Variants in FAM13A observed in about 807,000 individuals in gnomAD.
FAM13A encodes the protein family with sequence similarity 13 member A, also known as protein FAM13A.
A neutral mutation model predicts 129.6 loss-of-function variants in FAM13A; 76 were observed. That is an observed-to-expected ratio of 0.59 (90% CI 0.49 to 0.71). The LOEUF (loss-of-function observed/expected upper bound fraction) is 0.71, where lower values mean the gene tolerates loss of function less well. FAM13A is among the 30% of genes least tolerant of loss of function. The pLI, the probability that FAM13A is intolerant of heterozygous loss-of-function variation, is 0.00. For missense variants in FAM13A, 1,108 were observed against 1,249.3 expected (o/e 0.89, Z 1.70); for synonymous variants, 443 against 449.9 (o/e 0.98, Z 0.20).
intron 5 of FAM13A, among the ~76,000 whole-genome samples, chr4:88,933,209 A>G (rs1386586140): frequency 6.6e-6 from 1 of 152,228 alleles, no homozygotes; most frequent in Non-Finnish European, 1.5e-5. Flanking sequence ...ATTCATCTAG[A>G]TATTTCTAGA....
intron 7 of FAM13A, among the ~76,000 whole-genome samples, chr4:88,847,470 C>T (rs1186879771): frequency 6.6e-6 from 1 of 152,154 alleles, no homozygotes; most frequent in Non-Finnish European, 1.5e-5. Context: ...ATAATATATG[C>T]CAACCAGAAG....
chr4:88,727,003 A>G lies in FAM13A; in HGVS notation c.*1530T>C, dbSNP rs889171657. 7 of 152,360 alleles carry G rather than the reference A, an allele frequency of 4.6e-5. No homozygotes were observed. The highest frequency in any genetic ancestry group is 1.7e-4 in the African/African-American group (7 of 41,468). 9.4% of individuals were successfully genotyped at this position (152,360 alleles called of 1,614,324 possible). A position where few individuals can be genotyped will look rare whatever the true frequency, so the allele number is the denominator to read the frequency against. ...ATGTTGCTGTAAATCCCATTGGACCAGCCAGTTTCTCACGACCCTTTAAAA... is the reference window on the plus strand; with the variant it reads ...ATGTTGCTGTAAATCCCATTGGACCGGCCAGTTTCTCACGACCCTTTAAAA... On this transcript the variant is annotated 3_prime_UTR_variant, in exon 24 of 24. Transcript: ENST00000264344.
At chr4:88,839,752 C>G (rs1424038444) in intron 7 of FAM13A, among the ~76,000 whole-genome samples, 1 of 152,152 alleles carries the variant, frequency 6.6e-6, no homozygotes, top group East Asian at 1.9e-4. Flanking sequence ...AGAGCCCATA[C>G]TCAGAAGGGC....
At chr4:89,013,548 C>T (rs1247241528) in intron 3 of FAM13A, among the ~76,000 whole-genome samples, 1 of 152,034 alleles carries the variant, frequency 6.6e-6, no homozygotes, top group Admixed American at 6.6e-5. Flanking sequence ...ACATATATGA[C>T]TATGGTCCTA....
At chr4:89,045,850 C>T (rs1324411251) in intron 1 of FAM13A, among the ~76,000 whole-genome samples, 1 of 151,666 alleles carries the variant, frequency 6.6e-6, no homozygotes, top group Non-Finnish European at 1.5e-5. Flanking sequence ...ATGGAGAAAC[C>T]CCGTCTCTAC....
intron 19 of FAM13A, among the ~76,000 whole-genome samples, chr4:88,739,786 C>CAAAAAAAAA (rs34007551): frequency 4.4e-5 from 3 of 67,912 alleles, no homozygotes; most frequent in African/African-American, 1.7e-4. Flanking sequence ...GACTCTGTCT[C>CAAAAAAAAA]AAAAAAAAAA....
rs76318928 is a variant in FAM13A, at chr4:88,836,962, GAA to G, written c.1007+14056_1007+14057del. 2.7e-5 allele frequency among the ~76,000 whole-genome samples: 4 copies of G among 148,272 alleles called. No homozygotes were observed. In the East Asian group the frequency reaches 5.9e-4, roughly 22 times the overall value. ...GCGACAGAGTGAAACTCCATCTCAAGAAAAAAAAAAATTATGTTAAAATGATG... is the reference window on the plus strand; with the variant it reads ...GCGACAGAGTGAAACTCCATCTCAAGAAAAAAAAATTATGTTAAAATGATG... On this transcript the variant is annotated intron_variant, in intron 7 of 23. Coordinates refer to ENST00000264344, the MANE Select transcript of FAM13A (RefSeq NM_014883.4).
At chr4:88,843,559 T>C (rs978862537) in intron 7 of FAM13A, among the ~76,000 whole-genome samples, 1 of 152,208 alleles carries the variant, frequency 6.6e-6, no homozygotes, top group Non-Finnish European at 1.5e-5. Context: ...GCATTTTTGC[T>C]GGCTGGACTT....
chr4:88,906,050 G>A (rs1748094286), intron 6 of FAM13A, among the ~76,000 whole-genome samples: 2 of 152,340 alleles, frequency 1.3e-5, no homozygotes, highest in South Asian at 2.1e-4. Context: ...CACTTTGGGA[G>A]GCCAAGGCAG....
At chr4:88,979,991 T>C (rs937530801) in intron 4 of FAM13A, among the ~76,000 whole-genome samples, 53 of 152,188 alleles carry the variant, frequency 3.5e-4, no homozygotes, top group Non-Finnish European at 1.5e-5. Context: ...ATTTTTCTAA[T>C]TGCATTCTAA....
chr4:89,037,557 A>T (rs1769548308), intron 1 of FAM13A, among the ~76,000 whole-genome samples: 1 of 152,222 alleles, frequency 6.6e-6, no homozygotes, highest in African/African-American at 2.4e-5. Flanking sequence ...GTTAATGCTG[A>T]AATGAATTAA....
chr4:89,022,003 A>G (rs1708671), intron 2 of FAM13A, among the ~76,000 whole-genome samples: 16,347 of 152,178 alleles, frequency 0.11, 951 homozygotes, highest in African/African-American at 0.15. Flanking sequence ...GCAGTAGAGG[A>G]CTTTGAAAGT....
chr4:88,885,168 G>A (rs1744203392), intron 6 of FAM13A, among the ~76,000 whole-genome samples: 1 of 151,906 alleles, frequency 6.6e-6, no homozygotes, highest in Non-Finnish European at 1.5e-5. Context: ...AATTCATATG[G>A]AACCAAAGGA....
At chr4:88,995,518 G>A (rs1004543927) in intron 3 of FAM13A, among the ~76,000 whole-genome samples, 2 of 152,142 alleles carry the variant, frequency 1.3e-5, no homozygotes, top group African/African-American at 4.8e-5. Flanking sequence ...TCCTGCCCTT[G>A]AACATCAGAC....
At chr4:88,913,508 GGAA>G (rs151238354) in intron 5 of FAM13A, among the ~76,000 whole-genome samples, 4,324 of 137,768 alleles carry the variant, frequency 0.031, 82 homozygotes, top group Middle Eastern at 0.048. Flanking sequence ...AAGAGGAAGA[GGAA>G]GAAGAGGAGG....
chr4:88,871,733 T>C (rs1011692933), intron 6 of FAM13A, among the ~76,000 whole-genome samples: 1 of 152,170 alleles, frequency 6.6e-6, no homozygotes, highest in Non-Finnish European at 1.5e-5. Context: ...CAGGATATTA[T>C]CCAGGAGAAT....
chr4:88,750,722 C>T, intron 14 of FAM13A, 85 bp from the exon 15 acceptor site: 1 of 1,028,098 alleles, frequency 9.7e-7, no homozygotes, highest in South Asian at 1.5e-5. Context: ...CCCAGGCTTC[C>T]CAGATGCTTT....
chr4:88,874,490 C>T (rs1490820865), intron 6 of FAM13A, among the ~76,000 whole-genome samples: 1 of 150,576 alleles, frequency 6.6e-6, no homozygotes, highest in Non-Finnish European at 1.5e-5. Flanking sequence ...TTCCTATATA[C>T]CAATAACAGG....
chr4:88,729,653 C>G (rs1737205604), intron 23 of FAM13A: 1 of 152,228 alleles, frequency 6.6e-6, no homozygotes, highest in South Asian at 2.1e-4. Flanking sequence ...GGGCTTCACT[C>G]TCCTCAGACA....
Sources: gnomAD v4.1 joint callset for allele counts (sites outside exome capture counted in the v4.1 genomes callset) on GRCh38, gnomAD v4.1.1 for gene constraint, MANE v1.5 for transcripts, NCBI Gene and HGNC (gene_info 2026-07-23, HGNC 2026-07-21) for gene names.